AKAP10: variants seen among roughly 807,000 people sequenced by gnomAD.
AKAP10 encodes A-kinase anchor protein 10, mitochondrial.
AKAP10 carries 24 observed loss-of-function variants against 80.8 expected under a neutral mutation model. The observed-to-expected ratio is 0.30, with a 90% CI of 0.22 to 0.42. The LOEUF (loss-of-function observed/expected upper bound fraction) is 0.42, where lower values mean the gene tolerates loss of function less well. AKAP10 is among the 10% of genes least tolerant of loss of function. The pLI is 1.00. For synonymous variants in AKAP10, 291 were observed against 277.7 expected, an observed-to-expected ratio of 1.05 and a Z score of -0.48; for missense variants, 661 against 794.9, an observed-to-expected ratio of 0.83 and a Z score of 2.03.
chr17:19,955,359 G>A (rs1350407124), intron 4 of AKAP10, among the ~76,000 whole-genome samples: 1 of 152,140 alleles, frequency 6.6e-6, no homozygotes, highest in Non-Finnish European at 1.5e-5. Flanking sequence ...CCCTTATAGT[G>A]GTGACAGTTA....
intron 2 of AKAP10, among the ~76,000 whole-genome samples, chr17:19,964,889 T>C (rs747513886): frequency 2.6e-5 from 4 of 152,160 alleles, no homozygotes; most frequent in Non-Finnish European, 4.4e-5. Flanking sequence ...AGCGAGAATC[T>C]GTCTCAGAAA....
At chr17:19,916,497 C>T (rs1038399621) in intron 12 of AKAP10, among the ~76,000 whole-genome samples, 8 of 152,134 alleles carry the variant, frequency 5.3e-5, no homozygotes, top group Admixed American at 2.0e-4. Context: ...TCTTCAACTG[C>T]TCATAATACA....
chr17:19,914,628 C>CAAAAAAAAAAAAAAAAAAAAA (rs36071856), intron 12 of AKAP10, among the ~76,000 whole-genome samples: 1 of 58,514 alleles, frequency 1.7e-5, no homozygotes, highest in East Asian at 6.9e-4. Context: ...GACCCTATCT[C>CAAAAAAAAAAAAAAAAAAAAA]AAAAAAAAAA....
In AKAP10 at chr17:19,949,778, AG is replaced by A. The variant is rs377555058; in HGVS notation, c.878-2274del. On this transcript the variant is annotated intron_variant, in intron 4 of 14. Transcript: ENST00000225737. ...AGAGAGACTCTGTCTCAAAAAAAAA[AG>A]AGAAAAAAAAAAAAAAACGGTGTTA... Among the ~76,000 whole-genome samples, 84 of 121,426 alleles carry A rather than the reference AG, an allele frequency of 6.9e-4. 1 individual carries two copies. In the East Asian group the frequency reaches 0.013, roughly 19 times the overall value. The allele number at this position is 121,426 out of a possible 152,430, so 79.7% of individuals were successfully genotyped here.
chr17:19,918,656 A>T (rs1172493155), intron 12 of AKAP10, among the ~76,000 whole-genome samples: 1 of 152,152 alleles, frequency 6.6e-6, no homozygotes, highest in East Asian at 1.9e-4. Context: ...ATCAAAATTG[A>T]ATTTTTCTTC....
intron 1 of AKAP10, among the ~76,000 whole-genome samples, chr17:19,972,601 G>A (rs1163820576): frequency 3.3e-5 from 5 of 152,006 alleles, no homozygotes; most frequent in East Asian, 1.9e-4. Context: ...GACTACAGGC[G>A]CCCGCCACCA....
intron 4 of AKAP10, among the ~76,000 whole-genome samples, chr17:19,951,755 T>C (rs888668755): frequency 6.6e-6 from 1 of 152,096 alleles, no homozygotes; most frequent in Non-Finnish European, 1.5e-5. Context: ...ACACAAACAC[T>C]GCAGAAGGCC....
intron 2 of AKAP10, among the ~76,000 whole-genome samples, chr17:19,965,263 G>C (rs2043402099): frequency 6.6e-6 from 1 of 151,644 alleles, no homozygotes; most frequent in Non-Finnish European, 1.5e-5. Flanking sequence ...TACTTGCCAA[G>C]ATTTGTTGAC....
At chr17:19,960,604 A>G (rs574020538) in intron 3 of AKAP10, among the ~76,000 whole-genome samples, 1 of 152,316 alleles carries the variant, frequency 6.6e-6, no homozygotes, top group South Asian at 2.1e-4. Context: ...AAGAACATCC[A>G]GTTTTTCAAT....
At chr17:19,953,309 C>T (rs2152416922) in intron 4 of AKAP10, among the ~76,000 whole-genome samples, 1 of 150,866 alleles carries the variant, frequency 6.6e-6, no homozygotes, top group East Asian at 1.9e-4. Flanking sequence ...AAAGAAAGGT[C>T]TCAAACCAGA....
In AKAP10 at chr17:19,941,769, C is replaced by T. The variant is rs968231563; in HGVS notation, c.1061+57G>A. On this transcript the variant is annotated intron_variant, in intron 6 of 14. Transcript: ENST00000225737. Reference sequence around the variant, plus strand: ...GTTTTTAGCTGAGTGAAGCCCATTCCTAACAATGAACCCAAATTCCCTAGG... The same window carrying T: ...GTTTTTAGCTGAGTGAAGCCCATTCTTAACAATGAACCCAAATTCCCTAGG... The T allele has an allele frequency of 6.6e-6, 9 of 1,370,922 alleles. No individual in the cohort carries two copies. The African/African-American group carries it at 1.2e-4, about 18-fold the overall frequency. 84.9% of individuals were successfully genotyped at this position (1,370,922 alleles called of 1,614,324 possible).
intron 9 of AKAP10, chr17:19,935,853 T>G (rs2042986466): frequency 6.6e-6 from 1 of 152,548 alleles, no homozygotes; most frequent in Admixed American, 6.5e-5. Context: ...AACTGTTTTC[T>G]TAGTAAGTAG....
intron 14 of AKAP10, among the ~76,000 whole-genome samples, chr17:19,907,276 C>T (rs2042640940): frequency 6.6e-6 from 1 of 152,148 alleles, no homozygotes; most frequent in African/African-American, 2.4e-5. Flanking sequence ...CCTCAGCCCC[C>T]ACAAAGTGCT....
At chr17:19,966,113 T>C (rs73980762) in intron 2 of AKAP10, among the ~76,000 whole-genome samples, 17,839 of 152,138 alleles carry the variant, frequency 0.12, 1,055 homozygotes, top group Admixed American at 0.13. Flanking sequence ...ATATAACATA[T>C]ATAAATGAAT....
At chr17:19,946,202 AT>A (rs1378479819) in intron 5 of AKAP10, among the ~76,000 whole-genome samples, 1 of 46,410 alleles carries the variant, frequency 2.2e-5, no homozygotes, top group Admixed American at 3.0e-4. Context: ...TAATACATAT[AT>A]TTTATATATA....
intron 12 of AKAP10, among the ~76,000 whole-genome samples, chr17:19,910,872 C>G (rs537495742): frequency 5.1e-4 from 78 of 152,326 alleles, no homozygotes; most frequent in Non-Finnish European, 8.2e-4. Context: ...GATGTATAAG[C>G]CCACATCTGT....
At chr17:19,944,420 G>A (rs2043081577) in intron 5 of AKAP10, among the ~76,000 whole-genome samples, 1 of 152,080 alleles carries the variant, frequency 6.6e-6, no homozygotes, top group Non-Finnish European at 1.5e-5. Context: ...GGGAGGCCAA[G>A]GTGAGTAGAT....
intron 5 of AKAP10, 23 bp from the exon 6 acceptor site, chr17:19,941,933 T>C: frequency 6.2e-7 from 1 of 1,604,294 alleles, no homozygotes; most frequent in Non-Finnish European, 8.5e-7. Flanking sequence ...TTGTAAATAA[T>C]TAAATTGCCA....
Position 19,962,858 on chromosome 17 carries a change from C to T in AKAP10, c.301G>A (p.Ala101Thr), listed in dbSNP as rs975757534. The T allele has an allele frequency of 3.7e-6, 6 of 1,612,240 alleles. No individual in the cohort carries two copies. The highest frequency in any genetic ancestry group is 2.2e-5 in the East Asian group (1 of 44,870). Residue 101 changes from alanine to threonine, a missense_variant, in exon 3 of 15, where the codon GCT becomes ACT. Coordinates refer to ENST00000225737, the MANE Select transcript of AKAP10 (RefSeq NM_007202.4). The stretch of plus-strand genomic sequence containing the variant: ...TACTTACCCAGGTCACCAAAATGAG[C>T]GGCCTCCATGTGGCTTGGCTGCTTC... ...LKKQPSHMEA[A>T]HFGDLGRSCL... is the part of the protein sequence containing the mutation.
Sources: gnomAD v4.1 joint callset for allele counts (sites outside exome capture counted in the v4.1 genomes callset) on GRCh38, gnomAD v4.1.1 for gene constraint, MANE v1.5 for transcripts, NCBI Gene and HGNC (gene_info 2026-07-23, HGNC 2026-07-21) for gene names.